Variants in NRXN3 observed in about 807,000 individuals in gnomAD.
NRXN3 encodes the protein neurexin 3.
NRXN3 carries 32 observed loss-of-function variants against 137.6 expected under a neutral mutation model. That is an observed-to-expected ratio of 0.23 (90% CI 0.18 to 0.31). The LOEUF (loss-of-function observed/expected upper bound fraction) is 0.31. Among genes scored for constraint, NRXN3 ranks in the 10% least tolerant of loss-of-function variants. NRXN3 has a pLI of 1.00. For missense variants in NRXN3, 1,574 were observed against 2,062.5 expected (o/e 0.76, Z 4.59); for synonymous variants, 798 against 784.5 (o/e 1.02, Z -0.29).
chr14:78,186,593 G>T (rs1256245113), intron 1 of NRXN3, among the ~76,000 whole-genome samples: 1 of 152,214 alleles, frequency 6.6e-6, no homozygotes, highest in East Asian at 1.9e-4. Context: ...GAATTAATTT[G>T]CTTTATGCCT....
chr14:78,541,186 C>G (rs1057371748), intron 4 of NRXN3, among the ~76,000 whole-genome samples: 4 of 152,040 alleles, frequency 2.6e-5, no homozygotes, highest in African/African-American at 9.7e-5. Flanking sequence ...TGGGGAAGTT[C>G]TGGATAATAT....
Position 79,489,761 on chromosome 14 carries a change from C to T in NRXN3, c.3444+22359C>T, listed in dbSNP as rs546813638. 4.6e-5 allele frequency among the ~76,000 whole-genome samples: 7 copies of T among 152,076 alleles called. No homozygotes were observed. In the East Asian group the frequency reaches 9.7e-4, roughly 21 times the overall value. On this transcript the variant is annotated intron_variant, in intron 16 of 20. Transcript: ENST00000335750. ...CCTGCAAATATCTGGTAATTTCGGC[C>T]GGGCGTGGTGGCTCACACCTGTAGT...
intron 10 of NRXN3, among the ~76,000 whole-genome samples, chr14:78,834,676 A>G (rs957019243): frequency 6.6e-6 from 1 of 152,052 alleles, no homozygotes; most frequent in African/African-American, 2.4e-5. Context: ...AGGAGGACTG[A>G]TATGTTTGGG....
At chr14:79,789,170 T>A (rs1382528105) in intron 19 of NRXN3, among the ~76,000 whole-genome samples, 4 of 152,150 alleles carry the variant, frequency 2.6e-5, no homozygotes, top group African/African-American at 9.7e-5. Flanking sequence ...AAACTATATT[T>A]TTATCCTGGA....
intron 20 of NRXN3, among the ~76,000 whole-genome samples, chr14:79,809,908 AAGCCAAAT>A (rs1334517204): frequency 1.3e-5 from 2 of 152,244 alleles, no homozygotes; most frequent in Admixed American, 1.3e-4. Flanking sequence ...GAGATTATGG[AAGCCAAAT>A]AGCAATTAAG....
At chr14:78,637,094 T>C (rs1180336009) in intron 4 of NRXN3, among the ~76,000 whole-genome samples, 1 of 152,194 alleles carries the variant, frequency 6.6e-6, no homozygotes, top group Non-Finnish European at 1.5e-5. Context: ...AGTATAATTG[T>C]GCCACTCATT....
intron 4 of NRXN3, among the ~76,000 whole-genome samples, chr14:78,372,299 T>C (rs1007412490): frequency 9.2e-5 from 14 of 151,846 alleles, no homozygotes; most frequent in Middle Eastern, 3.4e-3. Context: ...TTTTCTTTTT[T>C]TTTTTAATTT....
At chr14:78,593,494 T>C (rs1601005031) in intron 4 of NRXN3, among the ~76,000 whole-genome samples, 1 of 152,186 alleles carries the variant, frequency 6.6e-6, no homozygotes, top group Non-Finnish European at 1.5e-5. Flanking sequence ...TAAGCACCCT[T>C]GTGACCACAG....
chr14:79,255,119 C>T (rs780621133), intron 15 of NRXN3, among the ~76,000 whole-genome samples: 58 of 152,160 alleles, frequency 3.8e-4, no homozygotes, highest in Non-Finnish European at 6.0e-4. Flanking sequence ...TTCCTTGATT[C>T]CCTGAGCCAA....
chr14:79,857,290 C>T (rs572916173), intron 20 of NRXN3, among the ~76,000 whole-genome samples: 1 of 152,146 alleles, frequency 6.6e-6, no homozygotes, highest in African/African-American at 2.4e-5. Context: ...GGCGTGATCT[C>T]GGCTCACTGC....
chr14:79,680,884 C>A (rs1222521953), intron 17 of NRXN3, among the ~76,000 whole-genome samples: 2 of 152,114 alleles, frequency 1.3e-5, no homozygotes, highest in Admixed American at 6.6e-5. Context: ...GTCCTTGTCC[C>A]TTTAGGGAGC....
intron 4 of NRXN3, among the ~76,000 whole-genome samples, chr14:78,341,188 G>A (rs1197402401): frequency 6.6e-6 from 1 of 152,094 alleles, no homozygotes; most frequent in Admixed American, 6.5e-5. Flanking sequence ...GGGTGTTTTG[G>A]GGGGAATTGG....
intron 15 of NRXN3, among the ~76,000 whole-genome samples, chr14:79,235,372 G>A (rs972264967): frequency 1.7e-4 from 26 of 152,094 alleles, no homozygotes; most frequent in Admixed American, 2.0e-4. Flanking sequence ...GATCCTGCCT[G>A]GATAATTGAA....
intron 15 of NRXN3, among the ~76,000 whole-genome samples, chr14:79,408,343 C>T (rs1014723825): frequency 6.6e-6 from 1 of 152,112 alleles, no homozygotes; most frequent in African/African-American, 2.4e-5. Flanking sequence ...CCTAAATTTT[C>T]TAGGACGCAG....
intron 19 of NRXN3, among the ~76,000 whole-genome samples, chr14:79,723,392 G>A (rs1395550599): frequency 2.6e-5 from 4 of 152,088 alleles, no homozygotes; most frequent in Admixed American, 2.0e-4. Context: ...TTAACCTTAA[G>A]ACACATGGCC....
chr14:79,717,622 C>T (rs112923488), intron 19 of NRXN3, among the ~76,000 whole-genome samples: 9 of 152,284 alleles, frequency 5.9e-5, no homozygotes, highest in African/African-American at 1.7e-4. Flanking sequence ...TGTCTCTCAA[C>T]GATAACACCT....
At chr14:79,047,533 G>A (rs1246015915) in intron 15 of NRXN3, among the ~76,000 whole-genome samples, 4 of 151,864 alleles carry the variant, frequency 2.6e-5, no homozygotes, top group African/African-American at 9.7e-5. Flanking sequence ...ACATAGACTG[G>A]GAGAAAATAT....
chr14:78,311,627 G>T (rs1272102697), intron 4 of NRXN3, among the ~76,000 whole-genome samples: 1 of 152,060 alleles, frequency 6.6e-6, no homozygotes, highest in East Asian at 1.9e-4. Flanking sequence ...TTCCAATGTG[G>T]CCAAGGGAAG....
intron 15 of NRXN3, among the ~76,000 whole-genome samples, chr14:79,386,050 A>G (rs1234323825): frequency 1.3e-5 from 2 of 152,164 alleles, no homozygotes; most frequent in Admixed American, 6.6e-5. Context: ...GCACAAGACA[A>G]GGATGTCCTC....
Sources: gnomAD v4.1 joint callset for allele counts (sites outside exome capture counted in the v4.1 genomes callset) on GRCh38, gnomAD v4.1.1 for gene constraint, MANE v1.5 for transcripts, NCBI Gene and HGNC (gene_info 2026-07-23, HGNC 2026-07-21) for gene names.